The following FAT3 variants were observed in gnomAD, a reference collection of about 807,000 sequenced individuals.
The protein encoded by FAT3 is FAT atypical cadherin 3.
FAT3 carries 95 observed loss-of-function variants against 310.2 expected under a neutral mutation model. The observed-to-expected ratio is 0.31, with a 90% CI of 0.26 to 0.36. The LOEUF is 0.36. Among genes scored for constraint, FAT3 ranks in the 10% least tolerant of loss-of-function variants. The pLI is 1.00. For synonymous variants in FAT3, 2,314 were observed against 2,192.9 expected (o/e 1.06, Z -1.54); for missense variants, 5,408 against 5,715.6 (o/e 0.95, Z 1.74).
intron 2 of FAT3, among the ~76,000 whole-genome samples, chr11:92,441,125 A>C (rs776474930): frequency 2.8e-4 from 42 of 152,258 alleles, no homozygotes; most frequent in Non-Finnish European, 7.3e-5. Flanking sequence ...ATTACTTTTG[A>C]AATTAAAATG....
At chr11:92,622,327 T>G (rs1941126081) in intron 3 of FAT3, among the ~76,000 whole-genome samples, 1 of 152,146 alleles carries the variant, frequency 6.6e-6, no homozygotes, top group South Asian at 2.1e-4. Context: ...TTCCCAAGAT[T>G]AATGCAGTTA....
At chr11:92,765,631 G>A (rs545571562) in intron 6 of FAT3, among the ~76,000 whole-genome samples, 2 of 151,852 alleles carry the variant, frequency 1.3e-5, no homozygotes, top group South Asian at 2.1e-4. Flanking sequence ...TGCCTTTTAC[G>A]GTTTTTTTTT....
At position 92,883,452 on chromosome 11, in the gene FAT3, T is replaced by C. The variant is rs1226872257; in HGVS notation, c.12937+59T>C. ...GCTTACAGGGAACCTGCAGGGGCGCTGTGCGAGGACGCTACGGGAAGGGAG... is the reference window on the plus strand; with the variant it reads ...GCTTACAGGGAACCTGCAGGGGCGCCGTGCGAGGACGCTACGGGAAGGGAG... On this transcript the variant is annotated intron_variant, in intron 24 of 27. Coordinates refer to ENST00000525166, the MANE Select transcript of FAT3 (RefSeq NM_001367949.2). The surrounding 1 kb of genome is among the most constrained non-coding windows in gnomAD (Gnocchi z 4.2). 3 of 1,545,350 alleles carry C rather than the reference T, an allele frequency of 1.9e-6. No individual in the cohort carries two copies. The highest frequency in any genetic ancestry group is 2.6e-6 in the Non-Finnish European group (3 of 1,143,888).
chr11:92,488,740 C>G (rs1195852734), intron 2 of FAT3, among the ~76,000 whole-genome samples: 1 of 152,006 alleles, frequency 6.6e-6, no homozygotes, highest in Non-Finnish European at 1.5e-5. Context: ...GTTATTTGCT[C>G]AGCAAAGCCT....
At chr11:92,432,955 G>C (rs1016191608) in intron 2 of FAT3, among the ~76,000 whole-genome samples, 3 of 152,200 alleles carry the variant, frequency 2.0e-5, no homozygotes, top group African/African-American at 7.2e-5. Context: ...ATCTAGAGAG[G>C]CAGTCTGGCT....
intron 4 of FAT3, among the ~76,000 whole-genome samples, chr11:92,720,916 C>T (rs1591647028): frequency 6.6e-6 from 1 of 152,100 alleles, no homozygotes; most frequent in African/African-American, 2.4e-5. Context: ...TCCAGGATTC[C>T]AAATGTTATA....
chr11:92,686,846 A>G (rs939015589), intron 3 of FAT3, among the ~76,000 whole-genome samples: 1 of 152,206 alleles, frequency 6.6e-6, no homozygotes, highest in African/African-American at 2.4e-5. Context: ...CACTTTATCC[A>G]TCCTCCTGAT....
At chr11:92,613,930 C>A (rs1940686418) in intron 3 of FAT3, among the ~76,000 whole-genome samples, 1 of 152,152 alleles carries the variant, frequency 6.6e-6, no homozygotes. Flanking sequence ...ACTTCAGCAA[C>A]CATATGTCTA....
chr11:92,376,026 CCT>C (rs1354516444), intron 2 of FAT3, among the ~76,000 whole-genome samples: 2 of 152,052 alleles, frequency 1.3e-5, no homozygotes, highest in African/African-American at 4.8e-5. Context: ...ATAAATAAGC[CCT>C]ACATTAAAAC....
At position 92,315,500 on chromosome 11, in the gene FAT3, TATATATATATATAG is replaced by T. The variant is rs1486629097; in HGVS notation, c.-17-36594_-17-36581del. Among the ~76,000 whole-genome samples, 385 of 92,210 alleles carry T rather than the reference TATATATATATATAG, an allele frequency of 4.2e-3. 1 individual carries two copies. The highest frequency in any genetic ancestry group is 0.011 in the Middle Eastern group (2 of 174). 60.5% of individuals were successfully genotyped at this position (92,210 alleles called of 152,430 possible). A position where few individuals can be genotyped will look rare whatever the true frequency, so the allele number is the denominator to read the frequency against. ...GTGTGTATATATATATATATATATA[TATATATATATATAG>T]AGAGAGAGAGAGAGAGAGAGAGAGA... is the stretch of plus-strand genomic sequence containing the variant. On this transcript the variant is annotated intron_variant, in intron 1 of 27. Coordinates refer to ENST00000525166, the MANE Select transcript of FAT3 (RefSeq NM_001367949.2).
intron 3 of FAT3, among the ~76,000 whole-genome samples, chr11:92,679,542 T>C (rs1943404043): frequency 6.6e-6 from 1 of 151,996 alleles, no homozygotes; most frequent in Admixed American, 6.6e-5. Flanking sequence ...TGCACTTCTT[T>C]GGTGATTAAT....
intron 3 of FAT3, among the ~76,000 whole-genome samples, chr11:92,553,087 GCTT>G (rs1241902613): frequency 1.3e-5 from 2 of 152,122 alleles, no homozygotes; most frequent in South Asian, 2.1e-4. Flanking sequence ...GCACTTTTCA[GCTT>G]CTTCTCATTC....
chr11:92,857,453 G>T (rs1949009914), intron 20 of FAT3, 105 bp downstream of exon 20: 2 of 1,473,514 alleles, frequency 1.4e-6, no homozygotes, highest in African/African-American at 1.4e-5. Context: ...GTTTCTTTAT[G>T]CATGCAACCT....
At chr11:92,367,442 A>T (rs1949056681) in intron 2 of FAT3, among the ~76,000 whole-genome samples, 1 of 152,026 alleles carries the variant, frequency 6.6e-6, no homozygotes, top group African/African-American at 2.4e-5. Context: ...AAAATAAATA[A>T]ATTAATTAAA....
At chr11:92,653,679 A>G (rs1409338614) in intron 3 of FAT3, among the ~76,000 whole-genome samples, 1 of 152,150 alleles carries the variant, frequency 6.6e-6, no homozygotes, top group East Asian at 1.9e-4. Context: ...AATTGTTTCC[A>G]TATGTTGCAG....
At chr11:92,230,101 G>C (rs149319409) in intron 1 of FAT3, among the ~76,000 whole-genome samples, 1 of 152,010 alleles carries the variant, frequency 6.6e-6, no homozygotes, top group Non-Finnish European at 1.5e-5. Flanking sequence ...GTATTTCAAC[G>C]TTCTGCTCTT....
rs78010632 is a variant in FAT3 at position 92,820,937 on chromosome 11, G to A, written c.9482-10685G>A. 1.9e-4 allele frequency among the ~76,000 whole-genome samples: 29 copies of A among 152,236 alleles called. No individual in the cohort carries two copies. In the East Asian group the frequency reaches 5.2e-3, roughly 27 times the overall value. On this transcript the variant is annotated intron_variant, in intron 13 of 27. Coordinates refer to ENST00000525166, the MANE Select transcript of FAT3 (RefSeq NM_001367949.2). ...ACAGGTTCTACTCTCCAAGGAACAAGGGCTCTTGTGCAGATCAATGGCAAT... is the reference window on the plus strand; with the variant it reads ...ACAGGTTCTACTCTCCAAGGAACAAAGGCTCTTGTGCAGATCAATGGCAAT...
chr11:92,683,754 A>G (rs1317259625), intron 3 of FAT3, among the ~76,000 whole-genome samples: 1 of 152,180 alleles, frequency 6.6e-6, no homozygotes, highest in Non-Finnish European at 1.5e-5. Flanking sequence ...TATGGAATGC[A>G]GCTTCAGTTC....
chr11:92,635,511 AT>A (rs2135713787), intron 3 of FAT3, among the ~76,000 whole-genome samples: 1 of 152,334 alleles, frequency 6.6e-6, no homozygotes, highest in East Asian at 1.9e-4. Flanking sequence ...CTTACGCATT[AT>A]GTTTTAATTA....
Sources: gnomAD v4.1 joint callset for allele counts (sites outside exome capture counted in the v4.1 genomes callset) on GRCh38, gnomAD v4.1.1 for gene constraint, Gnocchi (gnomAD v3.1) non-coding constraint, MANE v1.5 for transcripts, NCBI Gene and HGNC (gene_info 2026-07-23, HGNC 2026-07-21) for gene names.